Variants in IL2RB observed in about 807,000 individuals in gnomAD.
IL2RB encodes the protein interleukin-2 receptor subunit beta.
IL2RB carries 17 observed loss-of-function variants against 44.2 expected under a neutral mutation model. That is an observed-to-expected ratio of 0.38 (90% confidence interval 0.26 to 0.58). The LOEUF (loss-of-function observed/expected upper bound fraction) is 0.58, where lower values mean the gene tolerates loss of function less well. Ranked by LOEUF, IL2RB falls within the 20% of genes least tolerant of loss-of-function variation. The pLI, the probability that IL2RB is intolerant of heterozygous loss-of-function variation, is 0.63. For synonymous variants in IL2RB, 286 were observed against 297.9 expected, an observed-to-expected ratio of 0.96 and a Z score of 0.41; for missense variants, 624 against 685.5, an observed-to-expected ratio of 0.91 and a Z score of 1.00.
At chr22:37,164,995 A>G (rs1407014977) in intron 1 of IL2RB, among the ~76,000 whole-genome samples, 1 of 151,776 alleles carries the variant, frequency 6.6e-6, no homozygotes, top group East Asian at 1.9e-4. Context: ...CAGAATCTGT[A>G]TTTTCACCAC....
chr22:37,158,514 C>T lies in IL2RB; in HGVS notation c.-33-14309G>A, dbSNP rs531086406. ...CAGAGGTTGCAGTGAGCCAAGATTG[C>T]GCAACCGCACTCGAGCCTGGGTGAC... On this transcript the variant is annotated intron_variant, in intron 1 of 5. Coordinates refer to the IL2RB transcript ENST00000429622. Among the ~76,000 whole-genome samples the T allele has an allele frequency of 9.9e-5, 15 of 152,024 alleles. No individual in the cohort carries two copies. In the South Asian group the frequency reaches 1.0e-3, roughly 11 times the overall value.
chr22:37,137,994 G>C (rs2284033), intron 5 of IL2RB, among the ~76,000 whole-genome samples: 1 of 151,818 alleles, frequency 6.6e-6, no homozygotes, highest in Non-Finnish European at 1.5e-5. Flanking sequence ...CCTGACCTAC[G>C]AAATATATGG....
At chr22:37,143,000 C>T (rs2146244126) in intron 3 of IL2RB, among the ~76,000 whole-genome samples, 1 of 152,082 alleles carries the variant, frequency 6.6e-6, no homozygotes, top group African/African-American at 2.4e-5. Flanking sequence ...TTCTCCCTGA[C>T]CCCATCAAGC....
intron 1 of IL2RB, among the ~76,000 whole-genome samples, chr22:37,147,643 T>C (rs1382692864): frequency 1.1e-4 from 17 of 152,222 alleles, no homozygotes; most frequent in Non-Finnish European, 2.4e-4. Context: ...TCTCTCATGC[T>C]GTCCCACCCT....
intron 1 of IL2RB, among the ~76,000 whole-genome samples, chr22:37,168,642 G>A (rs1377144066): frequency 1.3e-5 from 2 of 152,238 alleles, no homozygotes; most frequent in East Asian, 3.8e-4. Context: ...GCATGCAGGA[G>A]GCACCTGAGG....
chr22:37,173,875 A>G (rs1363163226), intron 1 of IL2RB, among the ~76,000 whole-genome samples: 3 of 152,246 alleles, frequency 2.0e-5, no homozygotes, highest in Admixed American at 1.3e-4. Context: ...GGGGACGCTC[A>G]GGGATCCAGC....
intron 1 of IL2RB, among the ~76,000 whole-genome samples, chr22:37,164,155 A>T (rs556298390): frequency 6.6e-6 from 1 of 152,272 alleles, no homozygotes; most frequent in East Asian, 1.9e-4. Context: ...GCCTGTCAAC[A>T]CAGGGTTCTC....
chr22:37,173,874 C>A (rs532396700), intron 1 of IL2RB, among the ~76,000 whole-genome samples: 4 of 152,204 alleles, frequency 2.6e-5, no homozygotes, highest in African/African-American at 9.7e-5. Context: ...AGGGGACGCT[C>A]AGGGATCCAG....
chr22:37,135,539 C>T, intron 7 of IL2RB, 97 bp from the exon 8 acceptor site: 1 of 719,616 alleles, frequency 1.4e-6, no homozygotes, highest in Non-Finnish European at 2.5e-6. Flanking sequence ...CAGGGCCCTG[C>T]CACGCAGGCC....
chr22:37,165,295 C>T (rs935964993), intron 1 of IL2RB, among the ~76,000 whole-genome samples: 2 of 152,224 alleles, frequency 1.3e-5, no homozygotes, highest in African/African-American at 2.4e-5. Context: ...TGGCTGGCCG[C>T]ATCTGTGCCT....
intron 9 of IL2RB, among the ~76,000 whole-genome samples, chr22:37,131,169 AAAATAAAT>A (rs143390835): frequency 2.7e-5 from 4 of 150,936 alleles, no homozygotes; most frequent in Non-Finnish European, 5.9e-5. Context: ...TCCATCTCAA[AAAATAAAT>A]AAATAAATAA....
intron 9 of IL2RB, among the ~76,000 whole-genome samples, chr22:37,131,363 T>TC (rs1361073330): frequency 1.7e-4 from 25 of 151,462 alleles, no homozygotes; most frequent in South Asian, 8.4e-4. Flanking sequence ...CCCTACCTCA[T>TC]CCCCACCCCC....
chr22:37,142,965 C>T (rs58912290), intron 3 of IL2RB, among the ~76,000 whole-genome samples: 99 of 152,086 alleles, frequency 6.5e-4, no homozygotes, highest in African/African-American at 2.2e-3. Context: ...CACCTGGGCC[C>T]AGCCACCTCT....
intron 1 of IL2RB, among the ~76,000 whole-genome samples, chr22:37,163,347 A>C (rs1922948240): frequency 6.6e-6 from 1 of 152,114 alleles, no homozygotes; most frequent in South Asian, 2.1e-4. Context: ...ATCACGTCAA[A>C]TGCCCATCCT....
At position 37,128,275 on chromosome 22, in the gene IL2RB, G is replaced by A; in HGVS notation, c.1477C>T (p.Leu493=). The A allele has an allele frequency of 2.7e-6, 4 of 1,498,684 alleles. No individual in the cohort carries two copies. The highest frequency in any genetic ancestry group is 2.4e-5 in the Admixed American group (1 of 41,756). 92.8% of individuals were successfully genotyped at this position (1,498,684 alleles called of 1,614,324 possible). Residue 493 remains leucine, a synonymous_variant, in exon 10 of 10, where the codon CTG becomes TTG. Transcript: ENST00000216223. The surrounding 1 kb of genome is among the most constrained non-coding windows in gnomAD (Gnocchi z 4.5). The part of the protein sequence containing the change: ...VDFQPPPELV[L]REAGEEVPDA... ...GGGACCTCCTCCCCAGCCTCTCGCAGCACCAGCTCAGGGGGTGGCTGAAAA... is the reference window on the plus strand; with the variant it reads ...GGGACCTCCTCCCCAGCCTCTCGCAACACCAGCTCAGGGGGTGGCTGAAAA...
At position 37,159,316 on chromosome 22, in the gene IL2RB, G is replaced by T. The variant is rs12159210; in HGVS notation, c.-33-15111C>A. Among the ~76,000 whole-genome samples the T allele has an allele frequency of 2.9e-3, 433 of 151,922 alleles. 1 individual carries two copies. Among genetic ancestry groups the T allele is most frequent in the Non-Finnish European group, 4.7e-3 (317 of 67,984 alleles). On this transcript the variant is annotated intron_variant, in intron 1 of 5. Coordinates refer to the IL2RB transcript ENST00000429622. ...AAGAAGGTTATGCCTGGCTGTCACC[G>T]TTGCCTGCAAAGTCTGCTTGGGGAA...
chr22:37,165,002 C>T (rs1179193289), intron 1 of IL2RB, among the ~76,000 whole-genome samples: 2 of 151,786 alleles, frequency 1.3e-5, no homozygotes, highest in Non-Finnish European at 2.9e-5. Flanking sequence ...TGTATTTTCA[C>T]CACGTCCCCA....
At chr22:37,129,419 C>A (rs1921310993) in intron 9 of IL2RB, among the ~76,000 whole-genome samples, 1 of 152,148 alleles carries the variant, frequency 6.6e-6, no homozygotes, top group Non-Finnish European at 1.5e-5. Context: ...TGATGGTTTC[C>A]TGATTCACCT....
chr22:37,153,025 A>C (rs1415272441), upstream of IL2RB, among the ~76,000 whole-genome samples: 2 of 137,558 alleles, frequency 1.5e-5, no homozygotes, highest in Non-Finnish European at 3.0e-5. Context: ...ACCTCTGCCC[A>C]CAAAGTTCAA....
Sources: allele counts gnomAD v4.1 joint callset (sites outside exome capture counted in the v4.1 genomes callset), GRCh38; gene constraint gnomAD v4.1.1; non-coding constraint Gnocchi (gnomAD v3.1); transcripts MANE v1.5; gene names NCBI Gene and HGNC (gene_info 2026-07-23, HGNC 2026-07-21).